GALP: variants seen among roughly 807,000 people sequenced by gnomAD.
GALP encodes galanin like peptide.
Under a neutral mutation model 15.2 loss-of-function variants are expected in GALP, and 12 were observed. The observed-to-expected ratio is 0.79, with a 90% CI of 0.51 to 1.28. The LOEUF (loss-of-function observed/expected upper bound fraction) is 1.28, where lower values mean the gene tolerates loss of function less well. GALP is among the 50% of genes most tolerant of loss of function. The probability of loss-of-function intolerance (pLI) is 0.00; values close to 1 mark genes in which losing one functional copy is unlikely to be tolerated. For missense variants in GALP, 161 were observed against 145.6 expected, an observed-to-expected ratio of 1.11 and a Z score of -0.55; for synonymous variants, 58 against 55.1, an observed-to-expected ratio of 1.05 and a Z score of -0.23.
At chr19:56,181,709 C>G (rs2032570781) in intron 3 of GALP, among the ~76,000 whole-genome samples, 1 of 152,116 alleles carries the variant, frequency 6.6e-6, no homozygotes, top group Admixed American at 6.6e-5. Flanking sequence ...CTCCTGGCAA[C>G]TTTTTTCTCT....
chr19:56,185,291 C>A lies in GALP; in HGVS notation c.*21C>A, dbSNP rs753577841. 2 of 1,519,432 alleles carry A rather than the reference C, an allele frequency of 1.3e-6. No individual in the cohort carries two copies. The highest frequency in any genetic ancestry group is 1.1e-5 in the South Asian group (1 of 87,090). The allele number at this position is 1,519,432 out of a possible 1,614,324, so 94.1% of individuals were successfully genotyped here. ...CATAGATGTCTTCAAATCCCTGTTCCTATCCTTCTTCTCCAGCTCCTCCTG... is the reference window on the plus strand; with the variant it reads ...CATAGATGTCTTCAAATCCCTGTTCATATCCTTCTTCTCCAGCTCCTCCTG... On this transcript the variant is annotated 3_prime_UTR_variant, in exon 6 of 6. Coordinates refer to ENST00000357330, the MANE Select transcript of GALP (RefSeq NM_033106.4).
intron 5 of GALP, among the ~76,000 whole-genome samples, chr19:56,183,796 C>T (rs550574791): frequency 6.6e-6 from 1 of 151,572 alleles, no homozygotes; most frequent in Non-Finnish European, 1.5e-5. Context: ...CGGGGTTTCA[C>T]CATGTTGGCC....
chr19:56,182,186 C>G lies in GALP; in HGVS notation c.151C>G (p.Gln51Glu), dbSNP rs1468248435. Reference sequence around the variant, plus strand: ...TCCCTACCCAGTCCTCCACCTTCCCCAAATGGGTGACCAAGACGGAAAGAG... The same window carrying G: ...TCCCTACCCAGTCCTCCACCTTCCCGAAATGGGTGACCAAGACGGAAAGAG... The part of the protein sequence containing the change: ...YLLGPVLHLP[Q>E]MGDQDGKRET... The change falls in exon 4 of 6, where the codon CAA becomes GAA. Residue 51 changes from glutamine to glutamate, a missense_variant. Coordinates refer to ENST00000357330, the MANE Select transcript of GALP (RefSeq NM_033106.4). 5.0e-6 allele frequency: 8 copies of G among 1,613,906 alleles called. No individual in the cohort carries two copies. In the Admixed American group the frequency reaches 1.2e-4, roughly 24 times the overall value.
intron 5 of GALP, among the ~76,000 whole-genome samples, chr19:56,183,578 C>T (rs759202733): frequency 6.6e-6 from 1 of 152,106 alleles, no homozygotes; most frequent in Admixed American, 6.5e-5. Flanking sequence ...CTCACTTTGA[C>T]CTCATGGTTC....
At chr19:56,183,826 G>A (rs1323076193) in intron 5 of GALP, among the ~76,000 whole-genome samples, 2 of 151,840 alleles carry the variant, frequency 1.3e-5, no homozygotes, top group Admixed American at 1.3e-4. Flanking sequence ...CTGAACTCCT[G>A]ACTTCAGGTA....
At chr19:56,180,343 TC>T (rs1791668191) in intron 2 of GALP, among the ~76,000 whole-genome samples, 2 of 152,046 alleles carry the variant, frequency 1.3e-5, no homozygotes, top group Admixed American at 1.3e-4. Context: ...CATTTCTCCT[TC>T]CCCCCAGCCC....
At chr19:56,177,454 C>T (rs1217186001) in intron 2 of GALP, among the ~76,000 whole-genome samples, 9 of 147,302 alleles carry the variant, frequency 6.1e-5, no homozygotes, top group South Asian at 2.1e-4. Context: ...GAGGTTGCAG[C>T]GAGCCGAGAT....
intron 3 of GALP, among the ~76,000 whole-genome samples, chr19:56,180,888 ACT>A (rs1491266140): frequency 9.2e-6 from 1 of 108,800 alleles, no homozygotes; most frequent in Non-Finnish European, 1.8e-5. Context: ...TCGCTCTCTC[ACT>A]CTTTCTTTCT....
chr19:56,176,856 G>T (rs904786364), intron 1 of GALP, among the ~76,000 whole-genome samples: 1 of 129,574 alleles, frequency 7.7e-6, no homozygotes, highest in South Asian at 2.2e-4. Context: ...AGGCATGGGC[G>T]CTGGGGGACC....
intron 2 of GALP, among the ~76,000 whole-genome samples, chr19:56,179,464 C>A (rs566951334): frequency 2.4e-4 from 36 of 150,298 alleles, no homozygotes; most frequent in African/African-American, 8.7e-4. Context: ...CCCGCCACCA[C>A]GCCCGGCTAT....
intron 2 of GALP, among the ~76,000 whole-genome samples, chr19:56,178,212 C>A (rs1416822364): frequency 6.6e-6 from 1 of 151,468 alleles, no homozygotes; most frequent in Non-Finnish European, 1.5e-5. Flanking sequence ...TCCTGTAATC[C>A]CAGTACTTTG....
chr19:56,179,254 GTGTTGCAATT>G (rs1489262293), intron 2 of GALP, among the ~76,000 whole-genome samples: 2 of 151,554 alleles, frequency 1.3e-5, no homozygotes, highest in Admixed American at 1.3e-4. Flanking sequence ...TCTTCTTAGT[GTGTTGCAATT>G]TGTTGCAATT....
At chr19:56,182,987 C>A (rs367903825) in intron 4 of GALP, 148 bp from the exon 5 acceptor site, 9 of 596,752 alleles carry the variant, frequency 1.5e-5, no homozygotes, top group East Asian at 3.0e-5. Context: ...AGTGGTTATT[C>A]TCTCTGCTCC....
chr19:56,180,303 T>G (rs1317713516), intron 2 of GALP, among the ~76,000 whole-genome samples: 2 of 152,234 alleles, frequency 1.3e-5, no homozygotes, highest in African/African-American at 4.8e-5. Flanking sequence ...CCTGCATAAC[T>G]GAAATTATAC....
At chr19:56,184,774 C>T (rs533940012) in intron 5 of GALP, among the ~76,000 whole-genome samples, 20 of 152,138 alleles carry the variant, frequency 1.3e-4, no homozygotes, top group African/African-American at 4.1e-4. Flanking sequence ...TGAGCCACTG[C>T]GCCCAGCTCC....
chr19:56,178,538 AAAAAG>A (rs1265675718), intron 2 of GALP, among the ~76,000 whole-genome samples: 1 of 150,572 alleles, frequency 6.6e-6, no homozygotes, highest in Non-Finnish European at 1.5e-5. Flanking sequence ...AAAAAAAAAA[AAAAAG>A]AGACGCCGGC....
rs765674415 is a variant in GALP at position 56,185,296 on chromosome 19, C to G, written c.*26C>G. 1 of 1,480,562 alleles carries G rather than the reference C, an allele frequency of 6.8e-7. No individual in the cohort carries two copies. Among genetic ancestry groups the G allele is most frequent in the East Asian group, 2.3e-5 (1 of 43,212 alleles). The allele number at this position is 1,480,562 out of a possible 1,614,324, so 91.7% of individuals were successfully genotyped here. A position where few individuals can be genotyped will look rare whatever the true frequency, so the allele number is the denominator to read the frequency against. The stretch of plus-strand genomic sequence containing the variant: ...ATGTCTTCAAATCCCTGTTCCTATC[C>G]TTCTTCTCCAGCTCCTCCTGCTCCC... On this transcript the variant is annotated 3_prime_UTR_variant, in exon 6 of 6. Coordinates refer to ENST00000357330, the MANE Select transcript of GALP (RefSeq NM_033106.4).
chr19:56,182,044 G>A (rs529310955), intron 3 of GALP, 128 bp from the exon 4 acceptor site: 10 of 707,266 alleles, frequency 1.4e-5, no homozygotes, highest in Non-Finnish European at 2.3e-5. Flanking sequence ...CGGTCAACAC[G>A]CACCCCGTCC....
intron 5 of GALP, 56 bp downstream of exon 5, chr19:56,183,268 T>A (rs957703846): frequency 1.4e-6 from 2 of 1,392,790 alleles, no homozygotes; most frequent in East Asian, 4.6e-5. Flanking sequence ...AACAAGGAAG[T>A]GGCAGGCAGA....
Sources: gnomAD v4.1 joint callset for allele counts (sites outside exome capture counted in the v4.1 genomes callset) on GRCh38, gnomAD v4.1.1 for gene constraint, MANE v1.5 for transcripts, NCBI Gene and HGNC (gene_info 2026-07-23, HGNC 2026-07-21) for gene names.